The following TEAD1 variants were observed in gnomAD, a reference collection of about 807,000 sequenced individuals.
TEAD1 encodes transcriptional enhancer factor TEF-1.
In TEAD1, 9 loss-of-function variants were observed where a neutral mutation model predicts 54.9. The observed-to-expected ratio is 0.16, with a 90% CI of 0.10 to 0.29. The LOEUF is 0.29. TEAD1 is among the 10% of genes least tolerant of loss of function. The pLI is 1.00. For synonymous variants in TEAD1, 200 were observed against 187.8 expected, an observed-to-expected ratio of 1.07 and a Z score of -0.53; for missense variants, 387 against 535.9, an observed-to-expected ratio of 0.72 and a Z score of 2.74.
At chr11:12,869,699 G>T (rs1015325068) in intron 5 of TEAD1, among the ~76,000 whole-genome samples, 2 of 151,974 alleles carry the variant, frequency 1.3e-5, no homozygotes, top group African/African-American at 2.4e-5. Flanking sequence ...GAAAAATCAA[G>T]TGGCAAACAT....
At chr11:12,813,946 G>C (rs1158156218) in intron 3 of TEAD1, among the ~76,000 whole-genome samples, 1 of 152,168 alleles carries the variant, frequency 6.6e-6, no homozygotes, top group Non-Finnish European at 1.5e-5. Flanking sequence ...TGGTTGGGAG[G>C]TGCTGACCAC....
At chr11:12,744,854 G>A (rs773983416) in intron 2 of TEAD1, among the ~76,000 whole-genome samples, 5 of 152,290 alleles carry the variant, frequency 3.3e-5, no homozygotes, top group East Asian at 1.9e-4. Flanking sequence ...GCCTCCTCGC[G>A]TTGAGGCACC....
At chr11:12,732,858 G>T (rs1172267727) in intron 2 of TEAD1, among the ~76,000 whole-genome samples, 1 of 152,176 alleles carries the variant, frequency 6.6e-6, no homozygotes, top group Admixed American at 6.5e-5. Context: ...CTTCTTTTCT[G>T]CGAGATATAG....
intron 5 of TEAD1, among the ~76,000 whole-genome samples, chr11:12,871,662 C>CGGTGG (rs1393178224): frequency 2.0e-5 from 3 of 152,140 alleles, no homozygotes; most frequent in African/African-American, 7.2e-5. Context: ...ACGGTAGCCA[C>CGGTGG]AGCCAAGGTC....
chr11:12,805,994 C>G (rs145797896), intron 3 of TEAD1, among the ~76,000 whole-genome samples: 2 of 152,256 alleles, frequency 1.3e-5, no homozygotes, highest in East Asian at 3.9e-4. Flanking sequence ...AGTCCATTTA[C>G]AATGGCAGCA....
At position 12,943,053 on chromosome 11, in the gene TEAD1, A is replaced by G. The variant is rs1949175508; in HGVS notation, c.*5831A>G. On this transcript the variant is annotated 3_prime_UTR_variant, in exon 13 of 13. Transcript: ENST00000527636. ...AAAATAACATCAGACATCTTTGAAA[A>G]TTAGCCTCTAAACTCTTAATACATA... 1 of 152,232 alleles carries G rather than the reference A, an allele frequency of 6.6e-6. No homozygotes were observed. Among genetic ancestry groups the G allele is most frequent in the Non-Finnish European group, 1.5e-5 (1 of 68,034 alleles). The allele number at this position is 152,232 out of a possible 1,614,324, so 9.4% of individuals were successfully genotyped here. A position where few individuals can be genotyped will look rare whatever the true frequency, so the allele number is the denominator to read the frequency against.
At position 12,886,664 on chromosome 11, in the gene TEAD1, A is replaced by AT. The variant is rs570808378; in HGVS notation, c.699+3554dup. On this transcript the variant is annotated intron_variant, in intron 9 of 12. Coordinates refer to ENST00000527636, the MANE Select transcript of TEAD1 (RefSeq NM_021961.6). ...GAATAATGGTCCTTTGTCACAACTG[A>AT]TTTTTTTTTTTTTTTGAGATGGGGT... Among the ~76,000 whole-genome samples the AT allele has an allele frequency of 8.7e-3, 1,230 of 142,106 alleles. 10 individuals are homozygous for AT. The highest frequency in any genetic ancestry group is 0.021 in the African/African-American group (807 of 38,912). The allele number at this position is 142,106 out of a possible 152,430, so 93.2% of individuals were successfully genotyped here.
chr11:12,791,697 G>A (rs530926046), intron 3 of TEAD1, among the ~76,000 whole-genome samples: 18 of 152,240 alleles, frequency 1.2e-4, no homozygotes, highest in African/African-American at 4.1e-4. Flanking sequence ...GCCAATTTAA[G>A]TCAGTTCTCT....
intron 3 of TEAD1, among the ~76,000 whole-genome samples, chr11:12,780,923 G>A (rs1178550399): frequency 1.3e-5 from 2 of 152,148 alleles, no homozygotes; most frequent in African/African-American, 4.8e-5. Context: ...CAAAGTTGGA[G>A]GACTCACACT....
At chr11:12,696,775 A>G (rs1014976807) in intron 2 of TEAD1, among the ~76,000 whole-genome samples, 1 of 151,962 alleles carries the variant, frequency 6.6e-6, no homozygotes, top group African/African-American at 2.4e-5. Flanking sequence ...AGGGAGCTCC[A>G]TTTGGTTACA....
intron 3 of TEAD1, among the ~76,000 whole-genome samples, chr11:12,861,668 A>G (rs145095523): frequency 2.7e-3 from 408 of 152,354 alleles, no homozygotes; most frequent in African/African-American, 9.4e-3. Context: ...ACAGCATACA[A>G]ACAGACAAAA....
At chr11:12,788,837 T>C (rs535500296) in intron 3 of TEAD1, among the ~76,000 whole-genome samples, 3 of 152,358 alleles carry the variant, frequency 2.0e-5, no homozygotes, top group Admixed American at 6.5e-5. Flanking sequence ...TTTAAAGTTA[T>C]TTTTAGACTA....
intron 2 of TEAD1, among the ~76,000 whole-genome samples, chr11:12,680,087 AT>A (rs57511616): frequency 0.013 from 2,037 of 152,334 alleles, 35 homozygotes; most frequent in African/African-American, 0.045. Flanking sequence ...GACAGAAATC[AT>A]TGTTAATCTT....
chr11:12,681,560 C>T (rs1041901415), intron 2 of TEAD1, among the ~76,000 whole-genome samples: 3 of 152,194 alleles, frequency 2.0e-5, no homozygotes, highest in Non-Finnish European at 2.9e-5. Flanking sequence ...TAAAATCTCC[C>T]CTACTGATGG....
chr11:12,810,408 A>G (rs778680163), intron 3 of TEAD1, among the ~76,000 whole-genome samples: 13 of 152,168 alleles, frequency 8.5e-5, no homozygotes, highest in Non-Finnish European at 1.8e-4. Flanking sequence ...TAAGCCTGGG[A>G]AAATGGCCAG....
chr11:12,783,644 A>G (rs1945612665), intron 3 of TEAD1, among the ~76,000 whole-genome samples: 1 of 152,070 alleles, frequency 6.6e-6, no homozygotes, highest in Non-Finnish European at 1.5e-5. Context: ...ATTCCAAGAA[A>G]CCTTCCATGT....
At chr11:12,773,662 C>T (rs150354922) in intron 3 of TEAD1, among the ~76,000 whole-genome samples, 326 of 152,292 alleles carry the variant, frequency 2.1e-3, no homozygotes, top group Non-Finnish European at 3.5e-3. Context: ...CTAGATACAA[C>T]TCCCTTTTTT....
intron 2 of TEAD1, among the ~76,000 whole-genome samples, chr11:12,689,013 G>GTT (rs369957262): frequency 0.014 from 1,904 of 134,922 alleles, 41 homozygotes; most frequent in African/African-American, 0.055. Context: ...TTGTTTTTCT[G>GTT]TTTTTTTTTT....
chr11:12,870,175 C>T (rs1947713312), intron 5 of TEAD1, among the ~76,000 whole-genome samples: 1 of 152,188 alleles, frequency 6.6e-6, no homozygotes, highest in African/African-American at 2.4e-5. Context: ...CCACTGCGCC[C>T]AGCCGATTTT....
Sources: gnomAD v4.1 joint callset for allele counts (sites outside exome capture counted in the v4.1 genomes callset) on GRCh38, gnomAD v4.1.1 for gene constraint, MANE v1.5 for transcripts, NCBI Gene and HGNC (gene_info 2026-07-23, HGNC 2026-07-21) for gene names.